The following POC5 variants were observed in gnomAD, a reference collection of about 807,000 sequenced individuals.
POC5 encodes centrosomal protein POC5.
In POC5, 48 loss-of-function variants were observed where a neutral mutation model predicts 62.9. The observed-to-expected ratio is 0.76, with a 90% confidence interval of 0.61 to 0.97. The LOEUF is 0.97. Ranked by LOEUF, POC5 falls within the 50% of genes least tolerant of loss-of-function variation. The pLI is 0.00. For synonymous variants in POC5, 236 were observed against 228.2 expected (o/e 1.03, Z -0.31); for missense variants, 696 against 679.5 (o/e 1.02, Z -0.27).
intron 5 of POC5, among the ~76,000 whole-genome samples, chr5:75,699,360 C>T (rs1776761517): frequency 6.6e-6 from 1 of 152,020 alleles, no homozygotes; most frequent in Middle Eastern, 3.2e-3. Context: ...CATCAAAAAG[C>T]TTATCCACCA....
intron 5 of POC5, among the ~76,000 whole-genome samples, chr5:75,699,755 T>A (rs867969841): frequency 4.8e-5 from 7 of 146,248 alleles, no homozygotes; most frequent in Middle Eastern, 3.2e-3. Flanking sequence ...GGGTATTCAA[T>A]TAGGAAAAGA....
Position 75,689,007 on chromosome 5 carries a change from C to T in POC5, c.1129+5G>A, listed in dbSNP as rs756387862. On this transcript the variant is annotated splice_donor_5th_base_variant and intron_variant, in intron 9 of 11. Transcript: ENST00000428202. ...TAGGCAGAGAAACTTTAATGAAATACTAACCTGCATCATTTCTGTTTTGAA... is the reference window on the plus strand; with the variant it reads ...TAGGCAGAGAAACTTTAATGAAATATTAACCTGCATCATTTCTGTTTTGAA... 2.6e-6 allele frequency: 4 copies of T among 1,547,752 alleles called. No homozygotes were observed. The highest frequency in any genetic ancestry group is 1.3e-5 in the South Asian group (1 of 77,380).
chr5:75,685,299 T>C lies in POC5; in HGVS notation c.1315A>G (p.Thr439Ala), dbSNP rs1302191151. The C allele has an allele frequency of 6.2e-7, 1 of 1,613,964 alleles. No individual in the cohort carries two copies. The highest frequency in any genetic ancestry group is 1.7e-5 in the Admixed American group (1 of 60,020). Residue 439 changes from threonine (T) to alanine (A), a missense_variant, in exon 10 of 12, where the codon ACT (threonine) becomes GCT (alanine). Physicochemically the swap from Thr to Ala is moderately conservative, Grantham distance 58. Coordinates refer to ENST00000428202, the MANE Select transcript of POC5 (RefSeq NM_001099271.2). ...GATGCGGAAGCAGCCCTGGTAGAAG[T>C]CATCGAAGCAGCTGAGGGAACGGCA... ...ATAVPSAASM[T>A]STRAASASSV...
intron 1 of POC5, among the ~76,000 whole-genome samples, chr5:75,713,788 G>T (rs928261730): frequency 6.6e-6 from 1 of 152,214 alleles, no homozygotes; most frequent in Non-Finnish European, 1.5e-5. Flanking sequence ...CATCCTGAAA[G>T]ATGGATAAAA....
intron 2 of POC5, chr5:75,709,397 G>A (rs946384745): frequency 6.6e-6 from 1 of 151,910 alleles, no homozygotes; most frequent in African/African-American, 2.4e-5. Context: ...TTTACATAAT[G>A]GTTATCACTG....
At chr5:75,684,946 C>T in intron 10 of POC5, among the ~76,000 whole-genome samples, 1 of 151,122 alleles carries the variant, frequency 6.6e-6, no homozygotes, top group Non-Finnish European at 1.5e-5. Flanking sequence ...CGGCTCACTG[C>T]AAGCTCTGTC....
rs939803603 is a variant in POC5 at position 75,674,355 on chromosome 5, T to A, written c.*80A>T. ...ATGTCTCCATGATGTTCTAACAATA[T>A]GGAAAAGTTAAAACCAAAAGACTTC... On this transcript the variant is annotated 3_prime_UTR_variant, in exon 12 of 12. Transcript: ENST00000428202. The A allele has an allele frequency of 2.5e-5, 36 of 1,433,694 alleles. 1 individual carries two copies. The highest frequency in any genetic ancestry group is 3.4e-5 in the Non-Finnish European group (36 of 1,056,452). The allele number at this position is 1,433,694 out of a possible 1,614,324, so 88.8% of individuals were successfully genotyped here.
At chr5:75,711,339 T>TTA (rs1400759371) in intron 2 of POC5, among the ~76,000 whole-genome samples, 1 of 150,640 alleles carries the variant, frequency 6.6e-6, no homozygotes, top group Non-Finnish European at 1.5e-5. Flanking sequence ...GCCTCAACCA[T>TTA]TAGAGTCAGA....
rs747194599 is a variant in POC5 at position 75,685,348 on chromosome 5, G to A, written c.1266C>T (p.Ala422=). The stretch of plus-strand genomic sequence containing the variant: ...CAGTCGCGCTGGCTCCTCCGACGGC[G>A]GCTGGTGGGGATGGCAGCAGTGGTG... ...VTSPLLPSPP[A]AVGGASATAV... is the part of the protein sequence containing the mutation. The change falls in exon 10 of 12, where the codon GCC becomes GCT. Residue 422 remains alanine, a synonymous_variant. Coordinates refer to ENST00000428202, the MANE Select transcript of POC5 (RefSeq NM_001099271.2). 1.5e-5 allele frequency: 25 copies of A among 1,613,924 alleles called. 1 individual carries two copies. The highest frequency in any genetic ancestry group is 8.0e-5 in the African/African-American group (6 of 74,938).
chr5:75,692,919 T>C (rs1034491479), intron 6 of POC5, among the ~76,000 whole-genome samples: 44 of 151,640 alleles, frequency 2.9e-4, no homozygotes, highest in African/African-American at 9.2e-4. Context: ...ATCTTGGATA[T>C]AGAAGTTCCT....
Position 75,689,066 on chromosome 5 carries a change from C to A in POC5, c.1075G>T (p.Val359Leu). The change falls in exon 9 of 12, where the codon GTA (valine) becomes TTA (leucine). Residue 359 changes from valine (V) to leucine (L), a missense_variant. Val to Leu is a conservative substitution (Grantham distance 32). Transcript: ENST00000428202. ...ATGGCTTCAAGATTTAATGCACATA[C>A]ACCCCTCATGAAAGCTTTTTTCATG... ...DSMKKAFMRG[V>L]CALNLEAMTI... The A allele has an allele frequency of 6.2e-7, 1 of 1,606,096 alleles. No homozygotes were observed. Among genetic ancestry groups the A allele is most frequent in the East Asian group, 2.2e-5 (1 of 44,658 alleles).
At position 75,689,113 on chromosome 5, in the gene POC5, T is replaced by G; in HGVS notation, c.1028A>C (p.Glu343Ala). ...CATGGAATCTTCAAAGTGCTCTTTT[T>G]CATGTTGCATTCTTTGAATCTCAGC... is the stretch of plus-strand genomic sequence containing the variant. ...AKAEIQRMQH[E>A]KEHFEDSMKK... The change falls in exon 9 of 12, where the codon GAA (glutamate) becomes GCA (alanine). Residue 343 changes from glutamate to alanine, a missense_variant. Glu to Ala is a moderately radical substitution (Grantham distance 107). Transcript: ENST00000428202. 1 of 1,588,926 alleles carries G rather than the reference T, an allele frequency of 6.3e-7. No individual in the cohort carries two copies.
chr5:75,698,857 T>C (rs1168228751), intron 5 of POC5, among the ~76,000 whole-genome samples: 1 of 152,004 alleles, frequency 6.6e-6, no homozygotes, highest in Non-Finnish European at 1.5e-5. Context: ...AAGAATCAAA[T>C]AGATGCAATA....
chr5:75,689,218 CTGTCAAAAAAATAGAT>C, intron 8 of POC5, 53 bp from the exon 9 acceptor site: 1 of 1,462,020 alleles, frequency 6.8e-7, no homozygotes, highest in Non-Finnish European at 9.0e-7. Context: ...AAGAAGAATA[CTGTCAAAAAAATAGAT>C]ATATACTTTG....
At position 75,702,829 on chromosome 5, in the gene POC5, G is replaced by A; in HGVS notation, c.308-19C>T. 1 of 1,529,210 alleles carries A rather than the reference G, an allele frequency of 6.5e-7. No individual in the cohort carries two copies. Among genetic ancestry groups the A allele is most frequent in the Non-Finnish European group, 8.9e-7 (1 of 1,125,874 alleles). The allele number at this position is 1,529,210 out of a possible 1,614,324, so 94.7% of individuals were successfully genotyped here. On this transcript the variant is annotated intron_variant, in intron 4 of 11. Transcript: ENST00000428202. ...GATGACTCTGAATAAAAGAAAAGTTGTAGCTGTCAAGCCAAATTGAAAATA... is the reference window on the plus strand; with the variant it reads ...GATGACTCTGAATAAAAGAAAAGTTATAGCTGTCAAGCCAAATTGAAAATA...
chr5:75,687,959 T>C (rs1439452468), intron 9 of POC5, among the ~76,000 whole-genome samples: 1 of 152,180 alleles, frequency 6.6e-6, no homozygotes, highest in Non-Finnish European at 1.5e-5. Context: ...AGTACTCACC[T>C]AGGTATTACC....
chr5:75,696,050 T>A (rs1385251910), intron 5 of POC5: 1 of 152,956 alleles, frequency 6.5e-6, no homozygotes, highest in Non-Finnish European at 1.5e-5. Flanking sequence ...CTCACCTGGC[T>A]CAGAGGGTCC....
intron 1 of POC5, among the ~76,000 whole-genome samples, 189 bp from the exon 2 acceptor site, chr5:75,713,140 CA>C (rs977199755): frequency 2.6e-5 from 4 of 152,186 alleles, no homozygotes; most frequent in Non-Finnish European, 5.9e-5. Context: ...GACCCAGTCC[CA>C]ATATTAGTGA....
chr5:75,698,816 G>T (rs932007294), intron 5 of POC5, among the ~76,000 whole-genome samples: 19 of 152,108 alleles, frequency 1.2e-4, no homozygotes, highest in Admixed American at 8.5e-4. Context: ...TTGATAGACT[G>T]CTAGCAAGAC....
Sources: gnomAD v4.1 joint callset for allele counts (sites outside exome capture counted in the v4.1 genomes callset) on GRCh38, gnomAD v4.1.1 for gene constraint, MANE v1.5 for transcripts, NCBI Gene and HGNC (gene_info 2026-07-23, HGNC 2026-07-21) for gene names.